Variants in TRIM48 observed in about 807,000 individuals in gnomAD.
TRIM48 encodes the protein E3 ubiquitin-protein ligase TRIM48.
A neutral mutation model predicts 29.5 loss-of-function variants in TRIM48; 31 were observed. That is an observed-to-expected ratio of 1.05 (90% CI 0.79 to 1.42). TRIM48 has a LOEUF of 1.42. TRIM48 is among the 40% of genes most tolerant of loss of function. The pLI is 0.00. For missense variants in TRIM48, 344 were observed against 265.0 expected, an observed-to-expected ratio of 1.30 and a Z score of -2.07; for synonymous variants, 128 against 90.6, an observed-to-expected ratio of 1.41 and a Z score of -2.34.
chr11:55,263,492 G>GAA (rs879822190), intron 1 of TRIM48, among the ~76,000 whole-genome samples: 3 of 143,802 alleles, frequency 2.1e-5, no homozygotes, highest in African/African-American at 2.5e-5. Flanking sequence ...ATCTCTACTG[G>GAA]AAAAAAAAAA....
rs147437171 is a variant in TRIM48, at chr11:55,265,181, G to A, written c.326G>A (p.Cys109Tyr). ...WLFLSSEEQM[C>Y]GIHRETKKMF... is the part of the protein sequence containing the mutation. The stretch of plus-strand genomic sequence containing the variant: ...TTCCTGAGCTCTGAGGAGCAAATGT[G>A]TGGCATTCACAGGGAGACAAAGAAG... Residue 109 changes from cysteine to tyrosine, a missense_variant, in exon 2 of 6, where the codon TGT becomes TAT. By Grantham distance (194) the Cys-to-Tyr change is radical (BLOSUM62 -2). Coordinates refer to ENST00000417545, the MANE Select transcript of TRIM48 (RefSeq NM_024114.5). 8 of 1,582,720 alleles carry A rather than the reference G, an allele frequency of 5.1e-6. 1 individual carries two copies. Among genetic ancestry groups the A allele is most frequent in the African/African-American group, 4.1e-5 (3 of 73,634 alleles).
chr11:55,264,804 C>G, intron 1 of TRIM48, 96 bp from the exon 2 acceptor site: 2 of 1,506,872 alleles, frequency 1.3e-6, no homozygotes, highest in Non-Finnish European at 1.8e-6. Flanking sequence ...TGAACACTGT[C>G]AAGAGAAGAA....
chr11:55,263,511 A>T (rs186592899), intron 1 of TRIM48, among the ~76,000 whole-genome samples: 236 of 151,940 alleles, frequency 1.6e-3, no homozygotes, highest in African/African-American at 5.3e-3. Context: ...AAAATGAAAA[A>T]ATTTGCCGGG....
chr11:55,262,503 T>C (rs1191640721), intron 1 of TRIM48, among the ~76,000 whole-genome samples, 192 bp downstream of exon 1: 6 of 152,132 alleles, frequency 3.9e-5, no homozygotes, highest in Non-Finnish European at 8.8e-5. Flanking sequence ...TTCTTCAATA[T>C]AGTTTTGAAA....
At chr11:55,265,797 CAAA>C (rs34036307) in intron 3 of TRIM48, 102 bp downstream of exon 3, 30,191 of 817,660 alleles carry the variant, frequency 0.037, no homozygotes, top group South Asian at 0.049. Flanking sequence ...TTCTGGGAGT[CAAA>C]AAAAAAAAAA....
rs563627223 is a variant in TRIM48, at chr11:55,266,829, G to A, written c.555+1134G>A. Among the ~76,000 whole-genome samples, 35 of 147,602 alleles carry A rather than the reference G, an allele frequency of 2.4e-4. 6 individuals carry two copies. The South Asian group carries it at 7.1e-3, about 30-fold the overall frequency. Reference sequence around the variant, plus strand: ...GCATATGCAGTAATTTTGAGTTTGTGTATATTTGGAGGCCTGGGGAACCAA... The same window carrying A: ...GCATATGCAGTAATTTTGAGTTTGTATATATTTGGAGGCCTGGGGAACCAA... On this transcript the variant is annotated intron_variant, in intron 3 of 5. Coordinates refer to ENST00000417545, the MANE Select transcript of TRIM48 (RefSeq NM_024114.5).
chr11:55,262,426 C>T (rs887772582), intron 1 of TRIM48, 115 bp downstream of exon 1: 2 of 755,282 alleles, frequency 2.6e-6, no homozygotes, highest in Admixed American at 2.6e-5. Flanking sequence ...ATCTGTAATT[C>T]ATATTCTTAC....
In TRIM48 at chr11:55,265,192, A is replaced by G; in HGVS notation, c.337A>G (p.Arg113Gly). 6.3e-7 allele frequency: 1 copy of G among 1,582,856 alleles called. No individual in the cohort carries two copies. The highest frequency in any genetic ancestry group is 8.6e-7 in the Non-Finnish European group (1 of 1,166,184). The change falls in exon 2 of 6, where the codon AGG becomes GGG. Residue 113 changes from arginine (R) to glycine (G), a missense_variant. By Grantham distance (125) the Arg-to-Gly change is moderately radical. Coordinates refer to ENST00000417545, the MANE Select transcript of TRIM48 (RefSeq NM_024114.5). ...TGAGGAGCAAATGTGTGGCATTCAC[A>G]GGGAGACAAAGAAGATGTTCTGTGA... ...SSEEQMCGIHRETKKMFCEVD... is the reference protein window; with the variant it reads ...SSEEQMCGIHGETKKMFCEVD...
At chr11:55,264,809 G>A in intron 1 of TRIM48, 91 bp from the exon 2 acceptor site, 2 of 1,516,886 alleles carry the variant, frequency 1.3e-6, no homozygotes, top group Admixed American at 1.9e-5. Context: ...ACTGTCAAGA[G>A]AAGAAACTAT....
At chr11:55,267,639 G>C in intron 3 of TRIM48, 1 of 1,564,088 alleles carries the variant, frequency 6.4e-7, no homozygotes, top group Non-Finnish European at 8.7e-7. Context: ...GCTACTTCAG[G>C]TACAAACTCG....
In TRIM48 at chr11:55,267,648, C is replaced by A. The variant is rs1481877091; in HGVS notation, c.556-702C>A. The A allele has an allele frequency of 3.2e-6, 5 of 1,564,958 alleles. No individual in the cohort carries two copies. The African/African-American group carries it at 6.8e-5, about 21-fold the overall frequency. ...TGTGGAGCTACTTCAGGTACAAACT[C>A]GCAATGTGGTTTCAGGTTTTTGACT... On this transcript the variant is annotated intron_variant, in intron 3 of 5. Transcript: ENST00000417545.
At chr11:55,267,581 A>G in intron 3 of TRIM48, 1 of 1,564,618 alleles carries the variant, frequency 6.4e-7, no homozygotes, top group South Asian at 1.2e-5. Context: ...GATTTTTAAG[A>G]GGAATGTAAG....
In TRIM48 at chr11:55,270,616, G is replaced by A; in HGVS notation, c.*181G>A. The A allele has an allele frequency of 6.3e-7, 1 of 1,583,036 alleles. No individual in the cohort carries two copies. Among genetic ancestry groups the A allele is most frequent in the Non-Finnish European group, 8.6e-7 (1 of 1,165,380 alleles). On this transcript the variant is annotated 3_prime_UTR_variant, in exon 6 of 6. Transcript: ENST00000417545. Reference sequence around the variant, plus strand: ...TGGCAAATATTACTGGGAGGTCCATGTGGGGGACTCTTGGAATTGGGCTTT... The same window carrying A: ...TGGCAAATATTACTGGGAGGTCCATATGGGGGACTCTTGGAATTGGGCTTT...
At chr11:55,267,390 A>T in intron 3 of TRIM48, 6 of 1,569,770 alleles carry the variant, frequency 3.8e-6, no homozygotes, top group Non-Finnish European at 5.2e-6. Context: ...CTTTTGACTA[A>T]CCCATTATTA....
intron 1 of TRIM48, among the ~76,000 whole-genome samples, chr11:55,264,521 T>A (rs1191871332): frequency 6.8e-6 from 1 of 147,826 alleles, no homozygotes; most frequent in African/African-American, 2.5e-5. Flanking sequence ...CAAGACAGTT[T>A]TTCCCACTCT....
chr11:55,271,072 C>T lies in TRIM48; in HGVS notation c.*637C>T, dbSNP rs932251594. On this transcript the variant is annotated 3_prime_UTR_variant, in exon 6 of 6. Transcript: ENST00000417545. ...GAATTGCATTCTAATGTTATTAAAA[C>T]TCATTTATTGTGTTACTATTAAATG... is the stretch of plus-strand genomic sequence containing the variant. 4 of 1,194,284 alleles carry T rather than the reference C, an allele frequency of 3.3e-6. No homozygotes were observed. The African/African-American group carries it at 4.7e-5, about 14-fold the overall frequency. The allele number at this position is 1,194,284 out of a possible 1,614,324, so 74.0% of individuals were successfully genotyped here. A position where few individuals can be genotyped will look rare whatever the true frequency, so the allele number is the denominator to read the frequency against.
intron 1 of TRIM48, among the ~76,000 whole-genome samples, chr11:55,263,227 C>T (rs1857332018): frequency 6.6e-6 from 1 of 152,088 alleles, no homozygotes. Context: ...TTACAATTGC[C>T]TAGAGTATAC....
At chr11:55,263,781 T>G (rs1857343425) in intron 1 of TRIM48, among the ~76,000 whole-genome samples, 1 of 152,186 alleles carries the variant, frequency 6.6e-6, no homozygotes, top group African/African-American at 2.4e-5. Flanking sequence ...GATTATGGAG[T>G]CTGAGCAGTT....
At chr11:55,263,078 A>G (rs1187900563) in intron 1 of TRIM48, among the ~76,000 whole-genome samples, 1 of 152,184 alleles carries the variant, frequency 6.6e-6, no homozygotes, top group Non-Finnish European at 1.5e-5. Context: ...GTGTATATGT[A>G]TACATGTAGA....
Sources: gnomAD v4.1 joint callset for allele counts (sites outside exome capture counted in the v4.1 genomes callset) on GRCh38, gnomAD v4.1.1 for gene constraint, MANE v1.5 for transcripts, NCBI Gene and HGNC (gene_info 2026-07-23, HGNC 2026-07-21) for gene names.